Variants in RNF169 observed in about 807,000 individuals in gnomAD.
RNF169 encodes the protein E3 ubiquitin-protein ligase RNF169.
A neutral mutation model predicts 53.9 loss-of-function variants in RNF169; 24 were observed. The ratio of observed to expected loss-of-function variants is 0.45; its 90% CI spans 0.32 to 0.63. The LOEUF (loss-of-function observed/expected upper bound fraction) is 0.63. Ranked by LOEUF, RNF169 falls within the 20% of genes least tolerant of loss-of-function variation. The pLI is 0.04. For synonymous variants in RNF169, 396 were observed against 363.5 expected, an observed-to-expected ratio of 1.09 and a Z score of -1.02; for missense variants, 883 against 906.2, an observed-to-expected ratio of 0.97 and a Z score of 0.33.
chr11:74,823,542 T>A (rs1316667982), intron 4 of RNF169, among the ~76,000 whole-genome samples: 1 of 151,642 alleles, frequency 6.6e-6, no homozygotes, highest in Non-Finnish European at 1.5e-5. Context: ...TTGAGACTAG[T>A]GTGGGCAACA....
At chr11:74,832,949 A>T (rs113560215) in intron 4 of RNF169, among the ~76,000 whole-genome samples, 2 of 152,136 alleles carry the variant, frequency 1.3e-5, no homozygotes, top group Admixed American at 1.3e-4. Flanking sequence ...AGCTGCTTTT[A>T]TAGGGGGATG....
At chr11:74,815,561 A>C (rs1591423763) in intron 3 of RNF169, among the ~76,000 whole-genome samples, 1 of 152,156 alleles carries the variant, frequency 6.6e-6, no homozygotes, top group Middle Eastern at 3.2e-3. Flanking sequence ...GTCTCCAAAA[A>C]AAAAGGAACT....
At position 74,841,436 on chromosome 11, in the gene RNF169, T is replaced by C. The variant is rs569002314; in HGVS notation, c.*4706T>C. 3 of 152,310 alleles carry C rather than the reference T, an allele frequency of 2.0e-5. No individual in the cohort carries two copies. The highest frequency in any genetic ancestry group is 7.2e-5 in the African/African-American group (3 of 41,576). The allele number at this position is 152,310 out of a possible 1,614,324, so 9.4% of individuals were successfully genotyped here. A position where few individuals can be genotyped will look rare whatever the true frequency, so the allele number is the denominator to read the frequency against. On this transcript the variant is annotated 3_prime_UTR_variant, in exon 6 of 6. Coordinates refer to ENST00000299563, the MANE Select transcript of RNF169 (RefSeq NM_001098638.2). ...AGATTGTAGAAAAGAGACTAAGATATATGCAAGGGTCACCAGTTTAGAGAT... is the reference window on the plus strand; with the variant it reads ...AGATTGTAGAAAAGAGACTAAGATACATGCAAGGGTCACCAGTTTAGAGAT...
At chr11:74,831,893 T>G (rs1591434081) in intron 4 of RNF169, 1 of 152,130 alleles carries the variant, frequency 6.6e-6, no homozygotes, top group South Asian at 2.1e-4. Context: ...GACCATTCAG[T>G]GGGGAAAGAA....
chr11:74,820,690 A>G (rs995289365), intron 4 of RNF169, among the ~76,000 whole-genome samples: 2 of 152,222 alleles, frequency 1.3e-5, no homozygotes, highest in Non-Finnish European at 2.9e-5. Flanking sequence ...GACAAATCTT[A>G]TTAAAAGTAA....
intron 4 of RNF169, among the ~76,000 whole-genome samples, chr11:74,834,172 T>C (rs1232130042): frequency 2.6e-5 from 4 of 152,204 alleles, no homozygotes; most frequent in Non-Finnish European, 5.9e-5. Context: ...ATTTAGGCCT[T>C]TGAAAGCTCA....
intron 1 of RNF169, among the ~76,000 whole-genome samples, chr11:74,764,856 CGTA>C (rs1371354594): frequency 3.9e-5 from 6 of 152,156 alleles, no homozygotes; most frequent in East Asian, 1.9e-4. Flanking sequence ...CTATACGTAA[CGTA>C]GTTCAATAGG....
chr11:74,799,106 T>C (rs1197987981), intron 2 of RNF169, among the ~76,000 whole-genome samples: 1 of 142,138 alleles, frequency 7.0e-6, no homozygotes, highest in African/African-American at 2.5e-5. Context: ...TTTGCTACAC[T>C]ATTGCTATTT....
chr11:74,771,770 G>T (rs2035263949), intron 1 of RNF169, among the ~76,000 whole-genome samples: 1 of 152,036 alleles, frequency 6.6e-6, no homozygotes, highest in Admixed American at 6.6e-5. Flanking sequence ...GTACATAAAT[G>T]GGCTGGGCAT....
intron 2 of RNF169, among the ~76,000 whole-genome samples, chr11:74,795,371 C>T (rs2035633680): frequency 6.6e-6 from 1 of 151,572 alleles, no homozygotes. Flanking sequence ...AGGCACATGC[C>T]ACCATGCCCA....
chr11:74,766,933 G>A (rs1023820332), intron 1 of RNF169, among the ~76,000 whole-genome samples: 1 of 152,154 alleles, frequency 6.6e-6, no homozygotes, highest in African/African-American at 2.4e-5. Context: ...AATCACACAA[G>A]AACTGTATGA....
At chr11:74,785,933 T>G (rs933432173) in intron 1 of RNF169, among the ~76,000 whole-genome samples, 5 of 148,882 alleles carry the variant, frequency 3.4e-5, no homozygotes, top group African/African-American at 5.0e-5. Flanking sequence ...TTATCTTTGT[T>G]TTCTTTTCTT....
intron 2 of RNF169, among the ~76,000 whole-genome samples, chr11:74,798,152 A>C (rs2035675988): frequency 6.6e-6 from 1 of 152,252 alleles, no homozygotes; most frequent in South Asian, 2.1e-4. Context: ...GGCACCCTAA[A>C]AAAAGAACAA....
chr11:74,749,861 CG>C (rs1213493361), intron 1 of RNF169, among the ~76,000 whole-genome samples: 1 of 152,036 alleles, frequency 6.6e-6, no homozygotes, highest in Admixed American at 6.6e-5. Context: ...TTTTCAGACT[CG>C]AGAGCAGAGG....
At chr11:74,753,473 T>G (rs905054248) in intron 1 of RNF169, among the ~76,000 whole-genome samples, 1 of 152,232 alleles carries the variant, frequency 6.6e-6, no homozygotes, top group Non-Finnish European at 1.5e-5. Flanking sequence ...CATTGTGCTT[T>G]TATGAGTGGA....
rs1418263831 is a variant in RNF169, at chr11:74,838,336, ATTTGTGGTTG to A, written c.*1607_*1616del. 5.9e-5 allele frequency: 9 copies of A among 152,154 alleles called. No individual in the cohort carries two copies. Among genetic ancestry groups the A allele is most frequent in the African/African-American group, 2.2e-4 (9 of 41,410 alleles). The allele number at this position is 152,154 out of a possible 1,614,324, so 9.4% of individuals were successfully genotyped here. On this transcript the variant is annotated 3_prime_UTR_variant, in exon 6 of 6. Coordinates refer to ENST00000299563, the MANE Select transcript of RNF169 (RefSeq NM_001098638.2). ...GGCAAATCTTCAGTGTTTTGTGGTT[ATTTGTGGTTG>A]AGAGAGAGAGAGAATGTAATGTCTG...
At chr11:74,760,332 T>C (rs1384848820) in intron 1 of RNF169, among the ~76,000 whole-genome samples, 3 of 152,166 alleles carry the variant, frequency 2.0e-5, no homozygotes, top group Non-Finnish European at 4.4e-5. Flanking sequence ...CTGATTTTAG[T>C]TATTTCTTGC....
intron 2 of RNF169, among the ~76,000 whole-genome samples, chr11:74,803,513 A>G (rs2035763292): frequency 6.6e-6 from 1 of 152,244 alleles, no homozygotes; most frequent in Non-Finnish European, 1.5e-5. Context: ...CTACATTCCA[A>G]GGATGGCTAG....
At position 74,836,517 on chromosome 11, in the gene RNF169, A is replaced by G; in HGVS notation, c.1914A>G (p.Lys638=). Residue 638 remains lysine, a synonymous_variant, in exon 6 of 6, where the codon AAA becomes AAG. Coordinates refer to ENST00000299563, the MANE Select transcript of RNF169 (RefSeq NM_001098638.2). ...ACTTAGAACAAAATGGCTCCCTTAA[A>G]AAACTGCGACAAACCAGTGGGGAGG... ...TKHLEQNGSL[K]KLRQTSGEVG... 1 of 1,614,214 alleles carries G rather than the reference A, an allele frequency of 6.2e-7. No individual in the cohort carries two copies. The highest frequency in any genetic ancestry group is 8.5e-7 in the Non-Finnish European group (1 of 1,180,040).
Sources: allele counts gnomAD v4.1 joint callset (sites outside exome capture counted in the v4.1 genomes callset), GRCh38; gene constraint gnomAD v4.1.1; transcripts MANE v1.5; gene names NCBI Gene and HGNC (gene_info 2026-07-23, HGNC 2026-07-21).